Variants in RGS6 observed in about 807,000 individuals in gnomAD.
RGS6 encodes the protein regulator of G-protein signaling 6.
In RGS6, 30 loss-of-function variants were observed where a neutral mutation model predicts 78.5. The ratio of observed to expected loss-of-function variants is 0.38; its 90% confidence interval spans 0.29 to 0.52. RGS6 has a LOEUF of 0.52. RGS6 is among the 20% of genes least tolerant of loss of function. The pLI, the probability that RGS6 is intolerant of heterozygous loss-of-function variation, is 0.85. For missense variants in RGS6, 495 were observed against 609.7 expected (o/e 0.81, Z 1.98); for synonymous variants, 206 against 206.0 (o/e 1.00, Z 0.00).
intron 2 of RGS6, among the ~76,000 whole-genome samples, chr14:72,201,645 C>G (rs1400209845): frequency 6.6e-6 from 1 of 152,114 alleles, no homozygotes; most frequent in African/African-American, 2.4e-5. Context: ...CTATGCATTC[C>G]CCTCACCAAT....
At chr14:72,047,131 A>G (rs1393198952) in intron 2 of RGS6, among the ~76,000 whole-genome samples, 1 of 152,164 alleles carries the variant, frequency 6.6e-6, no homozygotes, top group African/African-American at 2.4e-5. Context: ...GACATAATGC[A>G]CACTGAGCAC....
chr14:72,397,119 C>G, intron 3 of RGS6, among the ~76,000 whole-genome samples: 1 of 152,188 alleles, frequency 6.6e-6, no homozygotes, highest in East Asian at 1.9e-4. Flanking sequence ...GGCATTGAAT[C>G]TATAAATTAC....
intron 2 of RGS6, among the ~76,000 whole-genome samples, chr14:72,295,269 C>T (rs1406253960): frequency 6.9e-5 from 10 of 144,772 alleles, no homozygotes; most frequent in Middle Eastern, 3.3e-3. Context: ...CCAGCCTGGG[C>T]GACAGAGCGA....
chr14:72,031,397 A>G (rs1674524903), intron 2 of RGS6, among the ~76,000 whole-genome samples: 1 of 152,202 alleles, frequency 6.6e-6, no homozygotes, highest in African/African-American at 2.4e-5. Context: ...CTTATAGAGT[A>G]TACGATTTTT....
At position 72,544,172 on chromosome 14, in the gene RGS6, G is replaced by C. The variant is rs116477413; in HGVS notation, c.1422+4078G>C. On this transcript the variant is annotated intron_variant, in intron 17 of 17. Coordinates refer to ENST00000553525, the MANE Select transcript of RGS6 (RefSeq NM_001204424.2). Reference sequence around the variant, plus strand: ...GGAGGGAGAGGGGGCAAGAGGAATCGGGGCCAAGCCACAGCAGCAGCTCCC... The same window carrying C: ...GGAGGGAGAGGGGGCAAGAGGAATCCGGGCCAAGCCACAGCAGCAGCTCCC... Among the ~76,000 whole-genome samples the C allele has an allele frequency of 6.6e-3, 999 of 152,302 alleles. 16 individuals carry two copies. Among genetic ancestry groups the C allele is most frequent in the African/African-American group, 0.023 (964 of 41,570 alleles).
chr14:72,411,685 A>G (rs1237938213), intron 3 of RGS6, among the ~76,000 whole-genome samples: 2 of 152,168 alleles, frequency 1.3e-5, no homozygotes, highest in South Asian at 2.1e-4. Context: ...TCCATTCAGT[A>G]TGATATTGGC....
At chr14:72,168,479 C>T (rs113010344) in intron 2 of RGS6, among the ~76,000 whole-genome samples, 6,673 of 152,188 alleles carry the variant, frequency 0.044, 170 homozygotes, top group Middle Eastern at 0.1. Flanking sequence ...TCGAGATGTT[C>T]CTTAAATGTA....
At chr14:72,110,568 C>A (rs533178499) in intron 2 of RGS6, among the ~76,000 whole-genome samples, 3 of 152,264 alleles carry the variant, frequency 2.0e-5, no homozygotes, top group Non-Finnish European at 4.4e-5. Flanking sequence ...CTTTCCATTC[C>A]CCTCTCTACT....
intron 1 of RGS6, among the ~76,000 whole-genome samples, chr14:71,951,954 T>C (rs959651547): frequency 3.3e-5 from 5 of 152,218 alleles, no homozygotes; most frequent in African/African-American, 9.6e-5. Context: ...CTTGTATTCA[T>C]TGACTTTGCT....
intron 2 of RGS6, among the ~76,000 whole-genome samples, chr14:71,999,748 C>CCATGAGCTCTGGT (rs1555425212): frequency 2.0e-5 from 3 of 152,096 alleles, no homozygotes; most frequent in Non-Finnish European, 2.9e-5. Flanking sequence ...TGTGAATTGC[C>CCATGAGCTCTGGT]TAGCTCCCCC....
intron 17 of RGS6, among the ~76,000 whole-genome samples, chr14:72,558,715 AC>A (rs1203593072): frequency 6.6e-6 from 1 of 152,198 alleles, no homozygotes; most frequent in East Asian, 1.9e-4. Context: ...TGAACCCAGC[AC>A]TGAGCCCATG....
intron 3 of RGS6, chr14:72,421,168 A>T (rs2094157660): frequency 6.6e-6 from 1 of 151,840 alleles, no homozygotes; most frequent in Non-Finnish European, 1.5e-5. Flanking sequence ...GGAAAATGAC[A>T]GCAAGCAGCA....
chr14:72,154,375 G>A (rs1429450269), intron 2 of RGS6, among the ~76,000 whole-genome samples: 10 of 152,242 alleles, frequency 6.6e-5, no homozygotes, highest in African/African-American at 9.6e-5. Flanking sequence ...GAAGATAACG[G>A]TATTAAGAGA....
At chr14:72,195,485 G>A (rs2039866706) in intron 2 of RGS6, among the ~76,000 whole-genome samples, 1 of 152,266 alleles carries the variant, frequency 6.6e-6, no homozygotes, top group South Asian at 2.1e-4. Flanking sequence ...GAAAAAAGAG[G>A]GCCCAGGGCC....
intron 2 of RGS6, among the ~76,000 whole-genome samples, chr14:72,245,633 A>T (rs1220321319): frequency 6.6e-6 from 1 of 152,164 alleles, no homozygotes; most frequent in Non-Finnish European, 1.5e-5. Context: ...CTTGGGCGTT[A>T]TCCTTCCAGC....
chr14:71,995,708 A>G (rs961982674), intron 2 of RGS6, among the ~76,000 whole-genome samples: 3 of 152,216 alleles, frequency 2.0e-5, no homozygotes, highest in Non-Finnish European at 2.9e-5. Context: ...TTATGTAGTC[A>G]AGAAAATCTT....
At chr14:72,295,178 C>A (rs887652704) in intron 2 of RGS6, among the ~76,000 whole-genome samples, 4 of 150,412 alleles carry the variant, frequency 2.7e-5, no homozygotes, top group Non-Finnish European at 5.9e-5. Flanking sequence ...GTAGTCCCAG[C>A]TACTTGGGAG....
chr14:72,275,534 A>T (rs1258832845), intron 2 of RGS6, among the ~76,000 whole-genome samples: 1 of 152,230 alleles, frequency 6.6e-6, no homozygotes, highest in Admixed American at 6.5e-5. Flanking sequence ...CAATTTATGT[A>T]GCATAGGGAA....
chr14:72,033,917 T>C (rs1201111039), intron 2 of RGS6, among the ~76,000 whole-genome samples: 1 of 152,206 alleles, frequency 6.6e-6, no homozygotes, highest in African/African-American at 2.4e-5. Context: ...TTTTCTGTTT[T>C]GTTTTTTGTT....
Sources: gnomAD v4.1 joint callset for allele counts (sites outside exome capture counted in the v4.1 genomes callset) on GRCh38, gnomAD v4.1.1 for gene constraint, MANE v1.5 for transcripts, NCBI Gene and HGNC (gene_info 2026-07-23, HGNC 2026-07-21) for gene names.